The following FHIT variants were observed in gnomAD, a reference collection of about 807,000 sequenced individuals.
FHIT encodes fragile histidine triad diadenosine triphosphatase.
In FHIT, 19 loss-of-function variants were observed where a neutral mutation model predicts 17.9. That is an observed-to-expected ratio of 1.06 (90% confidence interval 0.74 to 1.56). The LOEUF is 1.56. Among genes scored for constraint, FHIT ranks in the 40% most tolerant of loss-of-function variants. FHIT has a pLI of 0.00. For missense variants in FHIT, 248 were observed against 189.2 expected (o/e 1.31, Z -1.82); for synonymous variants, 81 against 69.7 (o/e 1.16, Z -0.81).
At chr3:60,475,497 T>C (rs933089917) in intron 5 of FHIT, among the ~76,000 whole-genome samples, 27 of 152,318 alleles carry the variant, frequency 1.8e-4, no homozygotes, top group African/African-American at 6.5e-4. Context: ...GACTGATGAA[T>C]TGGAGGTGCA....
intron 8 of FHIT, among the ~76,000 whole-genome samples, chr3:59,811,734 A>G (rs930364989): frequency 6.6e-6 from 1 of 152,216 alleles, no homozygotes; most frequent in Non-Finnish European, 1.5e-5. Flanking sequence ...AGAGGAATAT[A>G]TAAGACAGCT....
intron 3 of FHIT, among the ~76,000 whole-genome samples, chr3:60,886,201 A>G (rs571776870): frequency 3.9e-5 from 6 of 152,218 alleles, no homozygotes; most frequent in Non-Finnish European, 5.9e-5. Flanking sequence ...GGGGGTTAAT[A>G]CCATGAATGG....
intron 1 of FHIT, among the ~76,000 whole-genome samples, chr3:61,223,039 A>G (rs2039879873): frequency 6.6e-6 from 1 of 152,210 alleles, no homozygotes; most frequent in Admixed American, 6.5e-5. Context: ...TTCCTTCTGC[A>G]TTCATTATCT....
At position 61,239,762 on chromosome 3, in the gene FHIT, C is replaced by CATATATATATATATATATATATATAT. The variant is rs72107416; in HGVS notation, c.-213+11538_-213+11539insATATATATATATATATATATATATAT. ...AAAACTGCAAAGAAAAACAACTGGC[C>CATATATATATATATATATATATATAT]ATATATATATATATATATATATACA... On this transcript the variant is annotated intron_variant, in intron 1 of 9. Transcript: ENST00000492590. Among the ~76,000 whole-genome samples, 877 of 107,942 alleles carry CATATATATATATATATATATATATAT rather than the reference C, an allele frequency of 8.1e-3. 28 individuals are homozygous for CATATATATATATATATATATATATAT. The highest frequency in any genetic ancestry group is 0.02 in the East Asian group (53 of 2,624). 70.8% of individuals were successfully genotyped at this position (107,942 alleles called of 152,430 possible).
At chr3:60,927,969 ATTC>A (rs1707738834) in intron 3 of FHIT, among the ~76,000 whole-genome samples, 2 of 152,238 alleles carry the variant, frequency 1.3e-5, no homozygotes, top group South Asian at 4.1e-4. Context: ...ACTAAGAAAA[ATTC>A]TTCTGCCTTG....
chr3:60,453,738 TG>T (rs2031901884), intron 5 of FHIT, among the ~76,000 whole-genome samples: 1 of 152,224 alleles, frequency 6.6e-6, no homozygotes, highest in South Asian at 2.1e-4. Context: ...GATGCAAATC[TG>T]GCACATAGTA....
At chr3:60,215,260 G>C (rs1166202110) in intron 5 of FHIT, among the ~76,000 whole-genome samples, 1 of 152,174 alleles carries the variant, frequency 6.6e-6, no homozygotes, top group Admixed American at 6.5e-5. Context: ...GGGAGGCCAA[G>C]GCAAGTGGAT....
chr3:60,514,598 CCTATGTAACAAACCCACACATGCTG>C (rs2035080371), intron 5 of FHIT, among the ~76,000 whole-genome samples: 1 of 152,118 alleles, frequency 6.6e-6, no homozygotes, highest in South Asian at 2.1e-4. Flanking sequence ...CACATGTTGA[CCTATGTAACAAACCCACACATGCTG>C]CACATGTATC....
intron 4 of FHIT, among the ~76,000 whole-genome samples, chr3:60,545,173 T>G (rs559010050): frequency 6.6e-6 from 1 of 152,268 alleles, no homozygotes; most frequent in East Asian, 1.9e-4. Context: ...TTATATTCTT[T>G]TTACTGGATT....
chr3:59,878,391 C>T (rs1703257743), intron 8 of FHIT, among the ~76,000 whole-genome samples: 1 of 152,128 alleles, frequency 6.6e-6, no homozygotes, highest in African/African-American at 2.4e-5. Context: ...GTACTTACTC[C>T]AGTCTTACCT....
chr3:59,958,056 G>A (rs976564809), intron 7 of FHIT, among the ~76,000 whole-genome samples: 11 of 152,192 alleles, frequency 7.2e-5, no homozygotes, highest in Non-Finnish European at 1.3e-4. Context: ...CCATATGCAA[G>A]AGCAGGATCT....
chr3:60,317,625 GT>G (rs1222884468), intron 5 of FHIT, among the ~76,000 whole-genome samples: 3 of 143,386 alleles, frequency 2.1e-5, no homozygotes, highest in Middle Eastern at 3.3e-3. Context: ...ATATGTGTGT[GT>G]GTGTGTGTGT....
chr3:60,295,588 C>A (rs932961641), intron 5 of FHIT, among the ~76,000 whole-genome samples: 22 of 152,174 alleles, frequency 1.4e-4, no homozygotes, highest in African/African-American at 5.3e-4. Context: ...GAGGGATCTG[C>A]CACCATGACC....
intron 4 of FHIT, among the ~76,000 whole-genome samples, chr3:60,696,860 T>TATC (rs1195132462): frequency 6.6e-6 from 1 of 152,206 alleles, no homozygotes; most frequent in African/African-American, 2.4e-5. Flanking sequence ...CCAGTGAAAG[T>TATC]ATCACTGGAC....
intron 5 of FHIT, among the ~76,000 whole-genome samples, chr3:60,235,343 G>A (rs1704728007): frequency 6.7e-6 from 1 of 149,912 alleles, no homozygotes; most frequent in Admixed American, 6.7e-5. Flanking sequence ...TGATTCTTCT[G>A]CCTCAACCTC....
At chr3:60,042,598 T>A (rs1001288708) in intron 5 of FHIT, among the ~76,000 whole-genome samples, 4 of 152,050 alleles carry the variant, frequency 2.6e-5, no homozygotes, top group Admixed American at 1.3e-4. Flanking sequence ...AATTTCCCTT[T>A]CTTTAAGAAT....
At position 60,377,931 on chromosome 3, in the gene FHIT, G is replaced by C. The variant is rs1334846219; in HGVS notation, c.103+158929C>G. On this transcript the variant is annotated intron_variant, in intron 5 of 9. Transcript: ENST00000492590. ...GCATAAATTCATGGACTAATGATTAGGACAATTAATGAATGGTTTAAATAT... is the reference window on the plus strand; with the variant it reads ...GCATAAATTCATGGACTAATGATTACGACAATTAATGAATGGTTTAAATAT... Among the ~76,000 whole-genome samples the C allele has an allele frequency of 1.3e-5, 2 of 152,166 alleles. 1 individual carries two copies. Among genetic ancestry groups the C allele is most frequent in the South Asian group, 4.1e-4 (2 of 4,830 alleles).
intron 5 of FHIT, among the ~76,000 whole-genome samples, chr3:60,492,304 C>T (rs1448303804): frequency 3.9e-5 from 6 of 152,114 alleles, no homozygotes; most frequent in South Asian, 4.2e-4. Context: ...TTTCTGTGGT[C>T]ACAAAGTCAA....
chr3:60,647,420 G>A (rs2039886463), intron 4 of FHIT, among the ~76,000 whole-genome samples: 1 of 152,154 alleles, frequency 6.6e-6, no homozygotes, highest in Non-Finnish European at 1.5e-5. Flanking sequence ...GCAAATGTGA[G>A]AAGTGAGATT....
Sources: gnomAD v4.1 joint callset for allele counts (sites outside exome capture counted in the v4.1 genomes callset) on GRCh38, gnomAD v4.1.1 for gene constraint, MANE v1.5 for transcripts, NCBI Gene and HGNC (gene_info 2026-07-23, HGNC 2026-07-21) for gene names.